Variants in ADGRG2 observed in about 807,000 individuals in gnomAD.
ADGRG2 encodes the protein G protein-coupled receptor 64.
In ADGRG2, 26 loss-of-function variants were observed where a neutral mutation model predicts 74.1. That is an observed-to-expected ratio of 0.35 (90% CI 0.26 to 0.49). The LOEUF is 0.49. Among genes scored for constraint, ADGRG2 ranks in the 20% least tolerant of loss-of-function variants. The probability of loss-of-function intolerance (pLI) is 0.99; values close to 1 mark genes in which losing one functional copy is unlikely to be tolerated. For synonymous variants in ADGRG2, 296 were observed against 295.2 expected (o/e 1.00, Z -0.03); for missense variants, 619 against 763.1 (o/e 0.81, Z 2.22).
intron 2 of ADGRG2, among the ~76,000 whole-genome samples, chrX:19,075,084 T>C (rs997475351): frequency 5.4e-5 from 6 of 110,527 alleles, no homozygotes; most frequent in African/African-American, 9.9e-5. Flanking sequence ...ATGTCTAACA[T>C]ACATTTAAAC....
chrX:19,047,888 C>T (rs1025911419), intron 3 of ADGRG2, among the ~76,000 whole-genome samples: 6 of 111,464 alleles, frequency 5.4e-5, no homozygotes, highest in Non-Finnish European at 1.1e-4. Flanking sequence ...CATGTTTACT[C>T]GCGCTGGGAC....
intron 2 of ADGRG2, among the ~76,000 whole-genome samples, chrX:19,072,222 C>T (rs1475627139): frequency 4.6e-5 from 5 of 109,042 alleles, no homozygotes; most frequent in East Asian, 2.9e-4. Flanking sequence ...ATTTTATGTG[C>T]GGCCCATGAC....
intron 3 of ADGRG2, among the ~76,000 whole-genome samples, chrX:19,048,912 C>T (rs967853167): frequency 1.8e-5 from 2 of 111,829 alleles, no homozygotes; most frequent in African/African-American, 6.5e-5. Context: ...AGCGGGAGGC[C>T]GACTCACCTT....
At chrX:19,021,371 A>C (rs1347647614) in intron 13 of ADGRG2, 173 bp from the exon 14 acceptor site, 1 of 491,569 alleles carries the variant, frequency 2.0e-6, no homozygotes, top group South Asian at 2.5e-5. Context: ...AATTTTACCC[A>C]AAAAGACTTT....
chrX:19,117,453 G>A (rs1027208617), intron 1 of ADGRG2, among the ~76,000 whole-genome samples: 1 of 110,749 alleles, frequency 9.0e-6, no homozygotes, highest in African/African-American at 3.3e-5. Context: ...TTCTTCCTCA[G>A]TACACCCAGC....
intron 1 of ADGRG2, among the ~76,000 whole-genome samples, chrX:19,110,066 C>A (rs1423905268): frequency 9.0e-6 from 1 of 111,577 alleles, no homozygotes; most frequent in Admixed American, 9.6e-5. Context: ...TGCTGAGAAT[C>A]ATGCATGAAG....
chrX:19,062,355 T>C (rs2061501001), intron 3 of ADGRG2, among the ~76,000 whole-genome samples: 1 of 111,658 alleles, frequency 9.0e-6, no homozygotes, highest in Non-Finnish European at 1.9e-5. Flanking sequence ...GCCCTCTGCT[T>C]TCAGTTTCCC....
At chrX:18,997,186 C>T (rs1421274642) in intron 26 of ADGRG2, among the ~76,000 whole-genome samples, 6 of 111,891 alleles carry the variant, frequency 5.4e-5, no homozygotes, top group Non-Finnish European at 9.4e-5. Flanking sequence ...TCATTTGTCA[C>T]CCTGGAAGTC....
intron 18 of ADGRG2, among the ~76,000 whole-genome samples, chrX:19,008,758 G>A (rs2060289989): frequency 8.9e-6 from 1 of 112,140 alleles, no homozygotes; most frequent in South Asian, 3.7e-4. Flanking sequence ...TAGTTGAAAA[G>A]TGCAAGATGA....
chrX:19,112,499 C>T (rs989068696), intron 1 of ADGRG2, among the ~76,000 whole-genome samples: 3 of 110,294 alleles, frequency 2.7e-5, no homozygotes, highest in African/African-American at 9.9e-5. Context: ...ATTAACATCA[C>T]CAATGAGGAA....
chrX:19,014,958 TA>T (rs780646801), intron 15 of ADGRG2, among the ~76,000 whole-genome samples: 2 of 111,746 alleles, frequency 1.8e-5, no homozygotes, highest in Non-Finnish European at 3.8e-5. Context: ...AACATATGTG[TA>T]TATAGATTTC....
chrX:19,030,091 T>A (rs1450530216), intron 9 of ADGRG2, among the ~76,000 whole-genome samples: 2 of 112,216 alleles, frequency 1.8e-5, no homozygotes, highest in Non-Finnish European at 3.8e-5. Context: ...TTACTTGAAA[T>A]TGTTACCTAT....
chrX:19,080,588 GGTAAT>G (rs2061829699), intron 2 of ADGRG2, among the ~76,000 whole-genome samples: 1 of 111,576 alleles, frequency 9.0e-6, no homozygotes, highest in Non-Finnish European at 1.9e-5. Context: ...GATTAAATGA[GGTAAT>G]GTAATGAAAG....
At chrX:19,096,429 A>AATC (rs2062098496) in intron 1 of ADGRG2, among the ~76,000 whole-genome samples, 2 of 110,034 alleles carry the variant, frequency 1.8e-5, no homozygotes, top group South Asian at 7.9e-4. Context: ...AAAAAAAAAA[A>AATC]ATCAGTATTG....
At chrX:19,086,306 C>T (rs763278162) in intron 1 of ADGRG2, among the ~76,000 whole-genome samples, 33 of 110,943 alleles carry the variant, frequency 3.0e-4, no homozygotes, top group Admixed American at 1.9e-4. Flanking sequence ...AGACATGGCA[C>T]GGAACAGAGA....
chrX:19,012,830 G>T (rs2060385259), intron 16 of ADGRG2, among the ~76,000 whole-genome samples: 1 of 110,277 alleles, frequency 9.1e-6, no homozygotes, highest in Admixed American at 9.7e-5. Flanking sequence ...CCAAATTCTA[G>T]AGGAAGACCT....
At chrX:19,058,848 G>A (rs1421632132) in intron 3 of ADGRG2, among the ~76,000 whole-genome samples, 19 of 112,244 alleles carry the variant, frequency 1.7e-4, no homozygotes. Flanking sequence ...CTTGAACTAA[G>A]GAATGCTATT....
Position 19,023,918 on chromosome X carries a change from G to A in ADGRG2, c.501C>T (p.Thr167=). The A allele has an allele frequency of 8.4e-7, 1 of 1,186,670 alleles. No individual in the cohort carries two copies. Among genetic ancestry groups the A allele is most frequent in the Non-Finnish European group, 1.1e-6 (1 of 873,233 alleles). ...KRSELNKTLQ[T]LSETYFIMCA... is the part of the protein sequence containing the mutation. ...GGTGCACTATGATTACCTCACTTAG[G>A]GTTTGCAGGGTTTTGTTGAGCTCTG... Residue 167 remains threonine (T), a synonymous_variant, in exon 12 of 29, where the codon ACC becomes ACT. Coordinates refer to ENST00000379869, the MANE Select transcript of ADGRG2 (RefSeq NM_001079858.3).
chrX:19,094,816 C>T (rs986692593), intron 1 of ADGRG2, among the ~76,000 whole-genome samples: 1 of 112,645 alleles, frequency 8.9e-6, no homozygotes, highest in East Asian at 2.8e-4. Flanking sequence ...GGAGCCAGAA[C>T]GGGAAGCCTT....
Sources: allele counts gnomAD v4.1 joint callset (sites outside exome capture counted in the v4.1 genomes callset), GRCh38; gene constraint gnomAD v4.1.1; transcripts MANE v1.5; gene names NCBI Gene and HGNC (gene_info 2026-07-23, HGNC 2026-07-21).